The following DNA2 variants were observed in gnomAD, a reference collection of about 807,000 sequenced individuals.
The protein encoded by DNA2 is DNA replication ATP-dependent helicase/nuclease DNA2.
DNA2 carries 101 observed loss-of-function variants against 119.1 expected under a neutral mutation model. That is an observed-to-expected ratio of 0.85 (90% CI 0.72 to 1.00). The LOEUF is 1.00. DNA2 is among the 50% of genes least tolerant of loss of function. The pLI is 0.00. For synonymous variants in DNA2, 366 were observed against 424.4 expected (o/e 0.86, Z 1.69); for missense variants, 1,121 against 1,255.5 (o/e 0.89, Z 1.62).
intron 5 of DNA2, among the ~76,000 whole-genome samples, chr10:68,456,799 G>C (rs1239276449): frequency 6.6e-6 from 1 of 151,244 alleles, no homozygotes; most frequent in Non-Finnish European, 1.5e-5. Context: ...ATACATGGAA[G>C]TCGTGCCTAT....
At chr10:68,444,156 C>A (rs909062929) in intron 8 of DNA2, among the ~76,000 whole-genome samples, 1 of 151,768 alleles carries the variant, frequency 6.6e-6, no homozygotes, top group African/African-American at 2.4e-5. Flanking sequence ...CTTTGGGAGG[C>A]CGAGGTGGGC....
At chr10:68,419,418 T>C in intron 18 of DNA2, 1 of 540,816 alleles carries the variant, frequency 1.8e-6, no homozygotes, top group Non-Finnish European at 3.2e-6. Context: ...CATTGCTCCC[T>C]TAATTTTTAG....
rs769134900 is a variant in DNA2 at position 68,445,100 on chromosome 10, G to A, written c.1058-17C>T. On this transcript the variant is annotated splice_polypyrimidine_tract_variant and intron_variant, in intron 7 of 20. Coordinates refer to ENST00000358410, the MANE Select transcript of DNA2 (RefSeq NM_001080449.3). ...TTAATAATTCTATGAAAAAAAAGGT[G>A]AATGTCTTTTTAAGAGTTAAATAAA... is the stretch of plus-strand genomic sequence containing the variant. The A allele has an allele frequency of 3.0e-5, 48 of 1,576,012 alleles. No individual in the cohort carries two copies. The South Asian group carries it at 5.3e-4, about 18-fold the overall frequency.
At chr10:68,426,711 C>T (rs1198304518) in intron 14 of DNA2, among the ~76,000 whole-genome samples, 2 of 143,994 alleles carry the variant, frequency 1.4e-5, no homozygotes, top group Non-Finnish European at 3.0e-5. Flanking sequence ...TGGTGGTGGG[C>T]GCCTGTGGTC....
At position 68,442,900 on chromosome 10, in the gene DNA2, C is replaced by T; in HGVS notation, c.1415+17G>A. Reference sequence around the variant, plus strand: ...TCCAAACTACTGAAATCTTACTGTACTAAATGGACCACTTACATTTCCGAA... The same window carrying T: ...TCCAAACTACTGAAATCTTACTGTATTAAATGGACCACTTACATTTCCGAA... On this transcript the variant is annotated intron_variant, in intron 9 of 20. Transcript: ENST00000358410. 1 of 1,597,454 alleles carries T rather than the reference C, an allele frequency of 6.3e-7. No homozygotes were observed. The highest frequency in any genetic ancestry group is 1.3e-5 in the African/African-American group (1 of 74,456).
At chr10:68,435,115 G>A (rs990732946) in intron 10 of DNA2, among the ~76,000 whole-genome samples, 7 of 151,984 alleles carry the variant, frequency 4.6e-5, no homozygotes, top group Admixed American at 2.0e-4. Flanking sequence ...GTGCAGAGGT[G>A]TGATCTCAGC....
At position 68,430,547 on chromosome 10, in the gene DNA2, C is replaced by T. The variant is rs984428599; in HGVS notation, c.2097G>A (p.Leu699=). The T allele has an allele frequency of 2.5e-6, 4 of 1,610,314 alleles. No homozygotes were observed. The African/African-American group carries it at 5.3e-5, about 22-fold the overall frequency. The change falls in exon 14 of 21, where the codon TTG becomes TTA. Residue 699 remains leucine (L), a synonymous_variant. Coordinates refer to ENST00000358410, the MANE Select transcript of DNA2 (RefSeq NM_001080449.3). ...LAKFKIGFLR[L]GQIQKVHPAI... ...CTGGATGAACCTTCTGAATCTGACCCAAACGCAAAAATCCTATTTTAAACT... is the reference window on the plus strand; with the variant it reads ...CTGGATGAACCTTCTGAATCTGACCTAAACGCAAAAATCCTATTTTAAACT...
Position 68,415,094 on chromosome 10 carries a change from G to A in DNA2, c.3128C>T (p.Pro1043Leu). 1 of 1,566,522 alleles carries A rather than the reference G, an allele frequency of 6.4e-7. No individual in the cohort carries two copies. The highest frequency in any genetic ancestry group is 8.7e-7 in the Non-Finnish European group (1 of 1,151,498). The change falls in exon 21 of 21, where the codon CCA (proline) becomes CTA (leucine). Residue 1043 changes from proline (P) to leucine (L), a missense_variant. Pro to Leu is a moderately conservative substitution (Grantham distance 98, BLOSUM62 -3). Coordinates refer to ENST00000358410, the MANE Select transcript of DNA2 (RefSeq NM_001080449.3). ...LNSEKLIIDLPSREHESLCHI... is the reference protein window; with the variant it reads ...LNSEKLIIDLLSREHESLCHI... ...GCAAAGACTTTCATGTTCTCTTGAT[G>A]GAAGATCAATGATGTAAAATAAATT...
At chr10:68,436,081 A>G (rs1054918377) in intron 10 of DNA2, among the ~76,000 whole-genome samples, 2 of 152,234 alleles carry the variant, frequency 1.3e-5, no homozygotes, top group African/African-American at 4.8e-5. Context: ...AGGTAACTAC[A>G]AAGAAAATGA....
chr10:68,470,091 C>A lies in DNA2; in HGVS notation c.147G>T (p.Val49=), dbSNP rs368283374. ...LSTGMDNRYL[V]LAVNTVQNKE... is the part of the protein sequence containing the mutation. Reference sequence around the variant, plus strand: ...TGTTCTGTACAGTATTGACTGCCAACACCAGGTACCGGTTATCCATTCCTG... The same window carrying A: ...TGTTCTGTACAGTATTGACTGCCAAAACCAGGTACCGGTTATCCATTCCTG... Residue 49 remains valine (V), a synonymous_variant, in exon 2 of 21, where the codon GTG becomes GTT. Transcript: ENST00000358410. The A allele has an allele frequency of 6.2e-6, 10 of 1,613,676 alleles. No individual in the cohort carries two copies. In the African/African-American group the frequency reaches 1.3e-4, roughly 22 times the overall value.
chr10:68,471,873 C>G lies in DNA2; in HGVS notation c.-9G>C. 1 of 1,613,936 alleles carries G rather than the reference C, an allele frequency of 6.2e-7. No individual in the cohort carries two copies. Among genetic ancestry groups the G allele is most frequent in the Non-Finnish European group, 8.5e-7 (1 of 1,179,822 alleles). On this transcript the variant is annotated 5_prime_UTR_variant, in exon 1 of 21. Coordinates refer to ENST00000358410, the MANE Select transcript of DNA2 (RefSeq NM_001080449.3). Reference sequence around the variant, plus strand: ...TCGTTCAGCTGCTCCATCCTGGACGCGGGGATCGCAAACTGTAGACAGAAA... The same window carrying G: ...TCGTTCAGCTGCTCCATCCTGGACGGGGGGATCGCAAACTGTAGACAGAAA...
At chr10:68,423,087 T>C (rs961820615) in intron 14 of DNA2, among the ~76,000 whole-genome samples, 197 bp from the exon 15 acceptor site, 1 of 152,146 alleles carries the variant, frequency 6.6e-6, no homozygotes, top group Non-Finnish European at 1.5e-5. Context: ...CAAGTAAACT[T>C]TCCAGACACT....
At chr10:68,433,854 G>C (rs2051853002) in intron 10 of DNA2, among the ~76,000 whole-genome samples, 2 of 152,114 alleles carry the variant, frequency 1.3e-5, no homozygotes, top group South Asian at 2.1e-4. Flanking sequence ...TATCCTGAAT[G>C]CTCCATGTCA....
Position 68,446,414 on chromosome 10 carries a change from C to T in DNA2, c.940-1G>A, listed in dbSNP as rs1590064469. On this transcript the variant is annotated splice_acceptor_variant, in intron 6 of 20. Transcript: ENST00000358410. LOFTEE classifies it high-confidence loss of function. ...GGCTTAGTAGAGTGTACAGAACAACCTGTGCAAACATTGACATTTGCTCAA... is the reference window on the plus strand; with the variant it reads ...GGCTTAGTAGAGTGTACAGAACAACTTGTGCAAACATTGACATTTGCTCAA... 6.4e-7 allele frequency: 1 copy of T among 1,558,768 alleles called. No homozygotes were observed. Among genetic ancestry groups the T allele is most frequent in the Non-Finnish European group, 8.7e-7 (1 of 1,147,962 alleles).
intron 4 of DNA2, among the ~76,000 whole-genome samples, chr10:68,461,753 G>A (rs143394499): frequency 4.6e-5 from 7 of 150,894 alleles, no homozygotes; most frequent in Admixed American, 1.3e-4. Context: ...GCTTGAACCC[G>A]GAAGGCGGAG....
In DNA2 at chr10:68,445,009, T is replaced by C; in HGVS notation, c.1132A>G (p.Thr378Ala). Reference sequence around the variant, plus strand: ...ATTTGTGGCAAAGAAGCAAGCTGTGTCTTCTGTCTAGTAGCAGATTTGCTA... The same window carrying C: ...ATTTGTGGCAAAGAAGCAAGCTGTGCCTTCTGTCTAGTAGCAGATTTGCTA... Reference protein sequence around the residue: ...RISKSATRQKTQLASLPQIIE... With the variant: ...RISKSATRQKAQLASLPQIIE... Residue 378 changes from threonine to alanine, a missense_variant, in exon 8 of 21, where the codon ACA (threonine) becomes GCA (alanine). Physicochemically the swap from Thr to Ala is moderately conservative, Grantham distance 58 (BLOSUM62 0). Transcript: ENST00000358410. The C allele has an allele frequency of 6.2e-7, 1 of 1,613,502 alleles. No individual in the cohort carries two copies. The highest frequency in any genetic ancestry group is 8.5e-7 in the Non-Finnish European group (1 of 1,179,546).
chr10:68,431,837 C>T lies in DNA2; in HGVS notation c.1983+25G>A, dbSNP rs186375359. On this transcript the variant is annotated intron_variant, in intron 13 of 20. Transcript: ENST00000358410. ...AGAAGCTGATACAAATATTTTGTCT[C>T]TAAGCAGAAGAATAATAACCTTACG... The T allele has an allele frequency of 1.2e-3, 1,798 of 1,505,636 alleles. 1 individual carries two copies. Among genetic ancestry groups the T allele is most frequent in the Non-Finnish European group, 1.5e-3 (1,687 of 1,090,028 alleles). 93.3% of individuals were successfully genotyped at this position (1,505,636 alleles called of 1,614,324 possible).
At chr10:68,470,685 C>A (rs2052373436) in intron 1 of DNA2, 1 of 402,280 alleles carries the variant, frequency 2.5e-6, no homozygotes, top group Non-Finnish European at 4.8e-6. Context: ...CTGGTGCAAG[C>A]CTTCCCAAAG....
At chr10:68,424,859 C>T (rs969842845) in intron 14 of DNA2, 33 of 785,568 alleles carry the variant, frequency 4.2e-5, no homozygotes, top group Non-Finnish European at 5.6e-5. Context: ...TGGGTACTCA[C>T]CCAAACAAGG....
Sources: gnomAD v4.1 joint callset for allele counts (sites outside exome capture counted in the v4.1 genomes callset) on GRCh38, gnomAD v4.1.1 for gene constraint, MANE v1.5 for transcripts, NCBI Gene and HGNC (gene_info 2026-07-23, HGNC 2026-07-21) for gene names.